Variants in EFCAB6 observed in about 807,000 individuals in gnomAD.
EFCAB6 encodes EF-hand calcium binding domain 6, also known as EF-hand calcium-binding domain-containing protein 6.
Under a neutral mutation model 169.8 loss-of-function variants are expected in EFCAB6, and 156 were observed. The ratio of observed to expected loss-of-function variants is 0.92; its 90% CI spans 0.81 to 1.05. EFCAB6 has a LOEUF of 1.05. Among genes scored for constraint, EFCAB6 ranks in the 50% least tolerant of loss-of-function variants. The probability of loss-of-function intolerance (pLI) is 0.00; values close to 1 mark genes in which losing one functional copy is unlikely to be tolerated. For missense variants in EFCAB6, 1,800 were observed against 1,829.1 expected, an observed-to-expected ratio of 0.98 and a Z score of 0.29; for synonymous variants, 698 against 676.4, an observed-to-expected ratio of 1.03 and a Z score of -0.50.
At position 43,669,038 on chromosome 22, in the gene EFCAB6, T is replaced by G; in HGVS notation, c.1648A>C (p.Ser550Arg). 1 of 1,600,246 alleles carries G rather than the reference T, an allele frequency of 6.2e-7. No individual in the cohort carries two copies. The highest frequency in any genetic ancestry group is 8.5e-7 in the Non-Finnish European group (1 of 1,174,330). The change falls in exon 16 of 32, where the codon AGT (serine) becomes CGT (arginine). Residue 550 changes from serine to arginine, a missense_variant. Ser to Arg is a moderately radical substitution (Grantham distance 110). Transcript: ENST00000262726. ...LTNAHFIKLCSKIQDIGSGRI... is the reference protein window; with the variant it reads ...LTNAHFIKLCRKIQDIGSGRI... ...CCTGAACCAATGTCCTGAATCTTAC[T>G]GCAGAGTCTGAATTTTAAAAAATAA...
At chr22:43,633,574 A>G (rs1435596006) in intron 18 of EFCAB6, among the ~76,000 whole-genome samples, 2 of 152,110 alleles carry the variant, frequency 1.3e-5, no homozygotes, top group East Asian at 3.9e-4. Flanking sequence ...ACAAAAACAA[A>G]CAAACAAACA....
At chr22:43,699,083 C>G (rs953351173) in intron 10 of EFCAB6, among the ~76,000 whole-genome samples, 1 of 152,100 alleles carries the variant, frequency 6.6e-6, no homozygotes, top group African/African-American at 2.4e-5. Flanking sequence ...GATGCTGAGG[C>G]TCGGAGGGAT....
At chr22:43,582,084 C>T (rs908651258) in intron 24 of EFCAB6, among the ~76,000 whole-genome samples, 2 of 152,072 alleles carry the variant, frequency 1.3e-5, no homozygotes, top group Non-Finnish European at 1.5e-5. Context: ...AAGTTGATCA[C>T]CCGCATTGAA....
chr22:43,569,130 G>T (rs992154689), intron 26 of EFCAB6, among the ~76,000 whole-genome samples: 9 of 152,234 alleles, frequency 5.9e-5, no homozygotes, highest in South Asian at 4.1e-4. Context: ...GGGTTGGAGG[G>T]GGACTCATAC....
At chr22:43,586,371 C>T (rs1352342623) in intron 24 of EFCAB6, among the ~76,000 whole-genome samples, 3 of 36,072 alleles carry the variant, frequency 8.3e-5, no homozygotes, top group South Asian at 1.2e-3. Flanking sequence ...TTTTTTGTGA[C>T]GTGGTCTCGC....
chr22:43,609,897 C>T (rs950859063), intron 21 of EFCAB6, among the ~76,000 whole-genome samples: 2 of 152,168 alleles, frequency 1.3e-5, no homozygotes, highest in East Asian at 3.9e-4. Context: ...GTAATACCCA[C>T]GGGCTGTGAT....
intron 9 of EFCAB6, among the ~76,000 whole-genome samples, chr22:43,713,489 T>C (rs944778825): frequency 6.6e-6 from 1 of 152,164 alleles, no homozygotes; most frequent in Non-Finnish European, 1.5e-5. Context: ...GTATCAAGTG[T>C]TGGGGGCACG....
intron 2 of EFCAB6, among the ~76,000 whole-genome samples, chr22:43,788,768 AAAAGTT>A (rs1414871348): frequency 1.3e-5 from 2 of 152,244 alleles, no homozygotes; most frequent in Admixed American, 6.5e-5. Flanking sequence ...TCCATCAAAA[AAAAGTT>A]GTACTTAAAT....
At chr22:43,562,532 C>T (rs879401100) in intron 26 of EFCAB6, among the ~76,000 whole-genome samples, 1 of 115,324 alleles carries the variant, frequency 8.7e-6, no homozygotes, top group African/African-American at 3.2e-5. Flanking sequence ...GCAGCCCGGT[C>T]AGGGGTGGGA....
At position 43,576,412 on chromosome 22, in the gene EFCAB6, C is replaced by G; in HGVS notation, c.3305G>C (p.Cys1102Ser). The G allele has an allele frequency of 1.9e-6, 3 of 1,607,130 alleles. No homozygotes were observed. Among genetic ancestry groups the G allele is most frequent in the South Asian group, 1.1e-5 (1 of 89,194 alleles). ...TEFGQVLKDF[C>S]YKLTDNQYHY... ...ATACTGATTGTCCGTTAGTTTGTAA[C>G]AGAAATCCTTAAGAACTTGTCCGAA... Residue 1102 changes from cysteine (C) to serine (S), a missense_variant, in exon 26 of 32, where the codon TGT becomes TCT. Physicochemically the swap from Cys to Ser is moderately radical, Grantham distance 112. Coordinates refer to ENST00000262726, the MANE Select transcript of EFCAB6 (RefSeq NM_022785.4).
At chr22:43,810,509 A>G (rs1236623647) in intron 1 of EFCAB6, among the ~76,000 whole-genome samples, 1 of 152,200 alleles carries the variant, frequency 6.6e-6, no homozygotes, top group East Asian at 1.9e-4. Flanking sequence ...TGCCTTGTTA[A>G]CAACCAGTGG....
intron 10 of EFCAB6, among the ~76,000 whole-genome samples, chr22:43,700,019 C>T (rs2058710554): frequency 6.6e-6 from 1 of 152,190 alleles, no homozygotes; most frequent in Non-Finnish European, 1.5e-5. Flanking sequence ...CCTTAAACCT[C>T]ATCATATTTA....
At chr22:43,623,739 CAAAAAAA>C (rs137720) in intron 20 of EFCAB6, among the ~76,000 whole-genome samples, 7 of 95,268 alleles carry the variant, frequency 7.3e-5, no homozygotes, top group African/African-American at 1.6e-4. Flanking sequence ...ACTAAAAATA[CAAAAAAA>C]AAAAAAAAAA....
At chr22:43,644,621 T>G (rs1050283907) in intron 17 of EFCAB6, among the ~76,000 whole-genome samples, 2 of 152,246 alleles carry the variant, frequency 1.3e-5, no homozygotes, top group African/African-American at 4.8e-5. Flanking sequence ...GACTGATGGT[T>G]TGCTAATAGC....
rs201426447 is a variant in EFCAB6, at chr22:43,530,771, G to T, written c.4383+44C>A. ...GGAAGTTTCTGGCCGCTGGCATTTG[G>T]CAGCTGCTCCCTGCAGAGGCACTGG... is the stretch of plus-strand genomic sequence containing the variant. On this transcript the variant is annotated intron_variant, in intron 31 of 31. Transcript: ENST00000262726. 2.7e-4 allele frequency: 439 copies of T among 1,605,520 alleles called. 1 individual carries two copies. The African/African-American group carries it at 5.3e-3, about 19-fold the overall frequency.
At chr22:43,767,704 T>C (rs1233721031) in intron 4 of EFCAB6, among the ~76,000 whole-genome samples, 1 of 152,190 alleles carries the variant, frequency 6.6e-6, no homozygotes, top group African/African-American at 2.4e-5. Flanking sequence ...CCCACTGCAC[T>C]AACCACCCTA....
In EFCAB6 at chr22:43,755,759, C is replaced by T. The variant is rs768997809; in HGVS notation, c.507+7G>A. ...GGGGGAAATCATTTCTTTAAAATCTCTATTACCTTTTCTCCCACTTGGATT... is the reference window on the plus strand; with the variant it reads ...GGGGGAAATCATTTCTTTAAAATCTTTATTACCTTTTCTCCCACTTGGATT... On this transcript the variant is annotated splice_region_variant and intron_variant, in intron 6 of 31. Coordinates refer to ENST00000262726, the MANE Select transcript of EFCAB6 (RefSeq NM_022785.4). The T allele has an allele frequency of 3.7e-6, 6 of 1,601,086 alleles. No individual in the cohort carries two copies. The highest frequency in any genetic ancestry group is 1.7e-5 in the Admixed American group (1 of 57,496).
chr22:43,667,286 C>T lies in EFCAB6; in HGVS notation c.1815-14G>A, dbSNP rs1462278752. 6.2e-7 allele frequency: 1 copy of T among 1,612,348 alleles called. No homozygotes were observed. Among genetic ancestry groups the T allele is most frequent in the Admixed American group, 1.7e-5 (1 of 59,820 alleles). On this transcript the variant is annotated splice_polypyrimidine_tract_variant and intron_variant, in intron 16 of 31. Coordinates refer to ENST00000262726, the MANE Select transcript of EFCAB6 (RefSeq NM_022785.4). ...GTGAGCTTGGTTCTAAAATCACAAG[C>T]AGGCATTTAGACCCAGTGTCAACTG...
At chr22:43,623,638 G>A (rs1482225693) in intron 20 of EFCAB6, among the ~76,000 whole-genome samples, 1 of 150,714 alleles carries the variant, frequency 6.6e-6, no homozygotes, top group Non-Finnish European at 1.5e-5. Flanking sequence ...GCTCACGCCT[G>A]TAATCCCAGC....
Sources: gnomAD v4.1 joint callset for allele counts (sites outside exome capture counted in the v4.1 genomes callset) on GRCh38, gnomAD v4.1.1 for gene constraint, MANE v1.5 for transcripts, NCBI Gene and HGNC (gene_info 2026-07-23, HGNC 2026-07-21) for gene names.